CHD7: variants seen among roughly 807,000 people sequenced by gnomAD.
CHD7 encodes the protein chromodomain helicase DNA binding protein 7, also known as ATP-dependent chromatin remodeler CHD7.
Under a neutral mutation model 307.3 loss-of-function variants are expected in CHD7, and 24 were observed. The ratio of observed to expected loss-of-function variants is 0.08; its 90% CI spans 0.06 to 0.11. The LOEUF is 0.11. Ranked by LOEUF, CHD7 falls within the 10% of genes least tolerant of loss-of-function variation. The pLI is 1.00. For missense variants in CHD7, 3,106 were observed against 3,727.1 expected (o/e 0.83, Z 4.34); for synonymous variants, 1,363 against 1,349.9 (o/e 1.01, Z -0.21).
intron 1 of CHD7, among the ~76,000 whole-genome samples, chr8:60,701,549 G>A (rs533017188): frequency 2.0e-5 from 3 of 152,158 alleles, no homozygotes; most frequent in African/African-American, 4.8e-5. Flanking sequence ...TTAGAGTGTG[G>A]ATTACTTTAT....
chr8:60,854,188 A>G (rs1229377887), intron 31 of CHD7, among the ~76,000 whole-genome samples, 175 bp from the exon 32 acceptor site: 1 of 152,244 alleles, frequency 6.6e-6, no homozygotes, highest in East Asian at 1.9e-4. Flanking sequence ...AACACCATCT[A>G]TGTTAAAGGG....
At chr8:60,724,098 A>G (rs1301714040) in intron 1 of CHD7, among the ~76,000 whole-genome samples, 1 of 152,196 alleles carries the variant, frequency 6.6e-6, no homozygotes, top group Non-Finnish European at 1.5e-5. Flanking sequence ...TCAATGATTC[A>G]GAGATTCTAG....
intron 1 of CHD7, among the ~76,000 whole-genome samples, chr8:60,695,053 A>G (rs1430243716): frequency 6.6e-6 from 1 of 152,126 alleles, no homozygotes; most frequent in Non-Finnish European, 1.5e-5. Context: ...AGACACAGCC[A>G]TGGACATTCA....
chr8:60,822,356 T>C lies in CHD7; in HGVS notation c.2958-147T>C, dbSNP rs1303467131. 5 of 830,622 alleles carry C rather than the reference T, an allele frequency of 6.0e-6. No homozygotes were observed. The East Asian group carries it at 8.5e-5, about 14-fold the overall frequency. The allele number at this position is 830,622 out of a possible 1,614,324, so 51.5% of individuals were successfully genotyped here. A position where few individuals can be genotyped will look rare whatever the true frequency, so the allele number is the denominator to read the frequency against. On this transcript the variant is annotated intron_variant, in intron 11 of 37. Transcript: ENST00000423902. ...TAATTTTTATTCTTTGAGAATTTTG[T>C]TTGAAAATATATTTTGTTGAATCTA... is the stretch of plus-strand genomic sequence containing the variant.
intron 26 of CHD7, 53 bp from the exon 27 acceptor site, chr8:60,850,979 C>G: frequency 7.7e-7 from 1 of 1,306,060 alleles, no homozygotes; most frequent in Non-Finnish European, 1.1e-6. Flanking sequence ...ACCCCCCTTC[C>G]TTCTTTTGCT....
intron 1 of CHD7, among the ~76,000 whole-genome samples, chr8:60,685,560 G>A (rs991501392): frequency 6.6e-6 from 1 of 152,206 alleles, no homozygotes; most frequent in Non-Finnish European, 1.5e-5. Context: ...AGTCTCCCTC[G>A]GAGAGAGTTG....
chr8:60,821,861 C>T lies in CHD7; in HGVS notation c.2769C>T (p.Asp923=), dbSNP rs1375498221. ...ACAGCACGTGGGAGCGGAGGCAGGA[C>T]ATAGATCAAGCAAAGATCGAGGAGT... ...YEDSTWERRQ[D]IDQAKIEEFE... Residue 923 remains aspartate, a synonymous_variant, in exon 10 of 38, where the codon GAC becomes GAT. Transcript: ENST00000423902. 4.4e-6 allele frequency: 7 copies of T among 1,604,108 alleles called. No individual in the cohort carries two copies. In the Admixed American group the frequency reaches 6.9e-5, roughly 16 times the overall value.
In CHD7 at chr8:60,836,848, A is replaced by G. The variant is rs1485619015; in HGVS notation, c.4021A>G (p.Arg1341Gly). ...YPYERIDGRV[R>G]GNLRQAAIDR... ...ATATGAAAGGATCGACGGCCGAGTA[A>G]GAGGCAACCTCCGCCAGGCAGCTAT... Residue 1341 changes from arginine (R) to glycine (G), a missense_variant, in exon 17 of 38, where the codon AGA becomes GGA. Physicochemically the swap from Arg to Gly is moderately radical, Grantham distance 125. This residue lies in a region of CHD7 where 232 missense variants were observed against 422.5 expected (regional missense o/e 0.55). Coordinates refer to ENST00000423902, the MANE Select transcript of CHD7 (RefSeq NM_017780.4). 1.2e-6 allele frequency: 2 copies of G among 1,613,868 alleles called. No homozygotes were observed. The highest frequency in any genetic ancestry group is 1.7e-6 in the Non-Finnish European group (2 of 1,179,810).
At chr8:60,819,579 A>G (rs1157756197) in intron 8 of CHD7, among the ~76,000 whole-genome samples, 2 of 152,222 alleles carry the variant, frequency 1.3e-5, no homozygotes, top group Admixed American at 6.5e-5. Context: ...CATTTTGTAG[A>G]TATGCTATAA....
chr8:60,755,527 T>G (rs1436839044), intron 2 of CHD7, among the ~76,000 whole-genome samples: 1 of 152,078 alleles, frequency 6.6e-6, no homozygotes, highest in East Asian at 1.9e-4. Flanking sequence ...TTTTAAATAT[T>G]TTTAACAATA....
At position 60,822,139 on chromosome 8, in the gene CHD7, A is replaced by G. The variant is rs760694653; in HGVS notation, c.2951A>G (p.Tyr984Cys). 1 of 1,610,974 alleles carries G rather than the reference A, an allele frequency of 6.2e-7. No individual in the cohort carries two copies. Among genetic ancestry groups the G allele is most frequent in the Non-Finnish European group, 8.5e-7 (1 of 1,178,506 alleles). The change falls in exon 11 of 38, where the codon TAC becomes TGC. Residue 984 changes from tyrosine to cysteine, a missense_variant. Coordinates refer to ENST00000423902, the MANE Select transcript of CHD7 (RefSeq NM_017780.4). Reference protein sequence around the residue: ...EGVNWLLFNWYNMRNCILADE... With the variant: ...EGVNWLLFNWCNMRNCILADE... ...GTAAACTGGCTACTTTTCAATTGGTACAACATGTATGTAAAACAAGTTTTT... is the reference window on the plus strand; with the variant it reads ...GTAAACTGGCTACTTTTCAATTGGTGCAACATGTATGTAAAACAAGTTTTT...
At chr8:60,710,822 TAAAAAAG>T (rs1807251401) in intron 1 of CHD7, among the ~76,000 whole-genome samples, 1 of 152,104 alleles carries the variant, frequency 6.6e-6, no homozygotes, top group Non-Finnish European at 1.5e-5. Flanking sequence ...GTGTCCTGCG[TAAAAAAG>T]AGCTGGAAAA....
intron 1 of CHD7, among the ~76,000 whole-genome samples, chr8:60,738,123 A>G (rs1311682363): frequency 6.6e-6 from 1 of 152,188 alleles, no homozygotes; most frequent in Admixed American, 6.6e-5. Flanking sequence ...CTTTTTAAAT[A>G]CTTTATGCTG....
At chr8:60,850,753 A>G (rs1805416644) in intron 26 of CHD7, 131 bp downstream of exon 26, 1 of 919,646 alleles carries the variant, frequency 1.1e-6, no homozygotes, top group Non-Finnish European at 1.7e-6. Flanking sequence ...TTACCAGTCT[A>G]CTCTATTTGT....
intron 6 of CHD7, among the ~76,000 whole-genome samples, chr8:60,807,380 G>T (rs1324847008): frequency 6.6e-6 from 1 of 152,156 alleles, no homozygotes; most frequent in Non-Finnish European, 1.5e-5. Flanking sequence ...GTTCCAGAAG[G>T]AAATTACATA....
chr8:60,850,402 A>G (rs1050567167), intron 25 of CHD7, 91 bp from the exon 26 acceptor site: 14 of 1,469,416 alleles, frequency 9.5e-6, no homozygotes, highest in Non-Finnish European at 1.2e-5. Flanking sequence ...CTGAAAAACA[A>G]ACTTGTGTTG....
At chr8:60,709,518 T>C (rs1445699684) in intron 1 of CHD7, among the ~76,000 whole-genome samples, 1 of 152,218 alleles carries the variant, frequency 6.6e-6, no homozygotes, top group African/African-American at 2.4e-5. Context: ...CATTGTTGCT[T>C]TCTTTTTTGC....
intron 1 of CHD7, among the ~76,000 whole-genome samples, chr8:60,703,521 A>G (rs2150511594): frequency 6.6e-6 from 1 of 152,268 alleles, no homozygotes; most frequent in South Asian, 2.1e-4. Context: ...CTCTCCCCCC[A>G]CCACCCAACT....
At chr8:60,759,947 A>G (rs566968636) in intron 2 of CHD7, among the ~76,000 whole-genome samples, 13 of 152,186 alleles carry the variant, frequency 8.5e-5, no homozygotes, top group Non-Finnish European at 1.6e-4. Flanking sequence ...ATATAATGTT[A>G]AATGCTATAT....
Sources: allele counts gnomAD v4.1 joint callset (sites outside exome capture counted in the v4.1 genomes callset), GRCh38; gene constraint gnomAD v4.1.1; regional missense constraint gnomAD v4.1.1; transcripts MANE v1.5; gene names NCBI Gene and HGNC (gene_info 2026-07-23, HGNC 2026-07-21).